The following SAMTOR variants were observed in gnomAD, a reference collection of about 807,000 sequenced individuals.
SAMTOR encodes S-adenosylmethionine sensor upstream of mTORC1, also known as UPF0532 protein C7orf60.
the SAMTOR span, among the ~76,000 whole-genome samples, chr7:112,922,869 G>A: frequency 2.8e-5 from 4 of 140,682 alleles, no homozygotes; most frequent in Non-Finnish European, 6.2e-5. Flanking sequence ...ACCCCGTCCG[G>A]GAGGGAGGTG....
chr7:112,871,329 T>C, the SAMTOR span, among the ~76,000 whole-genome samples: 1 of 152,118 alleles, frequency 6.6e-6, no homozygotes, highest in Non-Finnish European at 1.5e-5. Context: ...TATTCTCATA[T>C]CACAGAGGAA....
At chr7:112,900,667 T>C in the SAMTOR span, among the ~76,000 whole-genome samples, 29 of 152,132 alleles carry the variant, frequency 1.9e-4, no homozygotes, top group Admixed American at 3.9e-4. Flanking sequence ...CAAGACAGTG[T>C]GGTAATGGTG....
At chr7:112,840,299 T>A in the SAMTOR span, among the ~76,000 whole-genome samples, 1 of 151,952 alleles carries the variant, frequency 6.6e-6, no homozygotes, top group African/African-American at 2.4e-5. Context: ...ACCCAGACCA[T>A]ACAAAACCTT....
At chr7:112,876,320 C>T in the SAMTOR span, among the ~76,000 whole-genome samples, 1 of 152,244 alleles carries the variant, frequency 6.6e-6, no homozygotes, top group East Asian at 1.9e-4. Flanking sequence ...GGTCCAGGCT[C>T]ATATTTTCAA....
chr7:112,838,397 G>GAAAA, the SAMTOR span, among the ~76,000 whole-genome samples: 1,642 of 151,926 alleles, frequency 0.011, 29 homozygotes, highest in African/African-American at 0.037. Context: ...CCACCATTAA[G>GAAAA]AAAACAGAAT....
the SAMTOR span, among the ~76,000 whole-genome samples, chr7:112,831,987 G>A: frequency 6.6e-6 from 1 of 150,754 alleles, no homozygotes; most frequent in African/African-American, 2.4e-5. Context: ...ACAGCTATGT[G>A]GAATTCTGTA....
the SAMTOR span, among the ~76,000 whole-genome samples, chr7:112,885,625 C>T: frequency 6.6e-6 from 1 of 152,132 alleles, no homozygotes; most frequent in Non-Finnish European, 1.5e-5. Context: ...CTTCATTGTC[C>T]ATATCACCAC....
the SAMTOR span, among the ~76,000 whole-genome samples, chr7:112,896,382 T>C: frequency 2.6e-5 from 4 of 152,174 alleles, no homozygotes; most frequent in East Asian, 1.9e-4. Context: ...CAAAAATACA[T>C]GGCAAGAGAA....
At chr7:112,870,043 TA>T in the SAMTOR span, among the ~76,000 whole-genome samples, 1 of 151,970 alleles carries the variant, frequency 6.6e-6, no homozygotes, top group Non-Finnish European at 1.5e-5. Context: ...CTTGGGGAAA[TA>T]AGGGATTATG....
chr7:112,904,771 T>C, the SAMTOR span, among the ~76,000 whole-genome samples: 19 of 152,082 alleles, frequency 1.2e-4, no homozygotes, highest in African/African-American at 4.6e-4. Flanking sequence ...AAAACAAAAA[T>C]CCAAAGATGA....
At chr7:112,875,928 A>G in the SAMTOR span, among the ~76,000 whole-genome samples, 1 of 152,164 alleles carries the variant, frequency 6.6e-6, no homozygotes, top group Non-Finnish European at 1.5e-5. Context: ...TCCAGATGAC[A>G]TGTGGTTCCA....
At chr7:112,828,970 G>C in the SAMTOR span, among the ~76,000 whole-genome samples, 2 of 152,112 alleles carry the variant, frequency 1.3e-5, no homozygotes, top group Non-Finnish European at 2.9e-5. Context: ...AGTTTGATTT[G>C]ATGTTCCTTG....
At chr7:112,822,154 T>C in the SAMTOR span, 1 of 1,613,848 alleles carries the variant, frequency 6.2e-7, no homozygotes, top group South Asian at 1.1e-5. Context: ...AATAAACCAT[T>C]TAACACTAAC....
the SAMTOR span, among the ~76,000 whole-genome samples, chr7:112,855,458 T>C: frequency 6.6e-6 from 1 of 152,132 alleles, no homozygotes; most frequent in Non-Finnish European, 1.5e-5. Flanking sequence ...GGCTCTTATC[T>C]AGGGACTATG....
the SAMTOR span, among the ~76,000 whole-genome samples, chr7:112,835,620 T>C: frequency 1.3e-5 from 2 of 152,042 alleles, no homozygotes; most frequent in Non-Finnish European, 1.5e-5. Flanking sequence ...TAGTTTTTTT[T>C]ATTCTCTCCC....
At chr7:112,821,381 C>G in the SAMTOR span, 3 of 159,376 alleles carry the variant, frequency 1.9e-5, no homozygotes, top group African/African-American at 7.2e-5. Flanking sequence ...CTTTCTACAT[C>G]TTAAAGTTTT....
the SAMTOR span, chr7:112,819,516 A>G: frequency 8.2e-3 from 1,251 of 152,378 alleles, 10 homozygotes; most frequent in Non-Finnish European, 0.011. Context: ...ATACTTATAC[A>G]CTGAATTGGT....
At chr7:112,842,712 G>A in the SAMTOR span, among the ~76,000 whole-genome samples, 1 of 151,922 alleles carries the variant, frequency 6.6e-6, no homozygotes, top group Non-Finnish European at 1.5e-5. Flanking sequence ...CAGTAGTAGT[G>A]TTTTGTTACT....
the SAMTOR span, among the ~76,000 whole-genome samples, chr7:112,900,849 A>C: frequency 6.6e-6 from 1 of 152,238 alleles, no homozygotes; most frequent in East Asian, 1.9e-4. Context: ...AAAAAGAAAA[A>C]AAGTAAATCT....
Sources: gnomAD v4.1 joint callset for allele counts (sites outside exome capture counted in the v4.1 genomes callset) on GRCh38, gnomAD v4.1.1 for gene constraint, MANE v1.5 for transcripts, NCBI Gene and HGNC (gene_info 2026-07-23, HGNC 2026-07-21) for gene names.